NEXN: variants seen among roughly 807,000 people sequenced by gnomAD.
The protein encoded by NEXN is nexilin F-actin binding protein.
In NEXN, 65 loss-of-function variants were observed where a neutral mutation model predicts 92.6. The ratio of observed to expected loss-of-function variants is 0.70; its 90% CI spans 0.57 to 0.86. The LOEUF is 0.86. Ranked by LOEUF, NEXN falls within the 40% of genes least tolerant of loss-of-function variation. NEXN has a pLI of 0.00. For synonymous variants in NEXN, 254 were observed against 242.5 expected, an observed-to-expected ratio of 1.05 and a Z score of -0.44; for missense variants, 778 against 771.1, an observed-to-expected ratio of 1.01 and a Z score of -0.11.
intron 9 of NEXN, chr1:77,933,080 G>C (rs1650439922): frequency 4.8e-6 from 2 of 418,372 alleles, no homozygotes; most frequent in East Asian, 8.8e-5. Context: ...AGAATCGCTT[G>C]AATCTGGGAG....
intron 2 of NEXN, 25 bp from the exon 3 acceptor site, chr1:77,917,540 CT>C (rs761631804): frequency 1.2e-5 from 19 of 1,560,226 alleles, no homozygotes; most frequent in South Asian, 5.6e-5. Context: ...CGTTAACTTT[CT>C]TTTTTTTATT....
rs1208062139 is a variant in NEXN, at chr1:77,917,642, T to C, written c.104T>C (p.Phe35Ser). ...KLGKGDVKDKFEAMQRAREER... is the reference protein window; with the variant it reads ...KLGKGDVKDKSEAMQRAREER... ...GGCAAGGGTGATGTAAAGGATAAGT[T>C]TGAAGCCATGCAGAGAGCCAGGGAA... The change falls in exon 3 of 13, where the codon TTT becomes TCT. Residue 35 changes from phenylalanine to serine, a missense_variant. Around this residue, in one of 3 missense-constraint regions of NEXN, gnomAD observed 236 missense variants for 265.6 expected, o/e 0.89. Transcript: ENST00000334785. 8.1e-6 allele frequency: 13 copies of C among 1,613,390 alleles called. No homozygotes were observed. The East Asian group carries it at 1.3e-4, about 17-fold the overall frequency.
chr1:77,904,980 T>C (rs1012184312), intron 1 of NEXN, among the ~76,000 whole-genome samples: 1 of 152,142 alleles, frequency 6.6e-6, no homozygotes, highest in Non-Finnish European at 1.5e-5. Flanking sequence ...TAAATACTTA[T>C]GGGCCAGGCA....
chr1:77,896,321 G>A (rs989670122), intron 1 of NEXN, among the ~76,000 whole-genome samples: 1 of 151,938 alleles, frequency 6.6e-6, no homozygotes, highest in Non-Finnish European at 1.5e-5. Flanking sequence ...AGAAACCTTG[G>A]GTTCATCCTT....
intron 2 of NEXN, among the ~76,000 whole-genome samples, chr1:77,917,245 C>T (rs1649050532): frequency 6.6e-6 from 1 of 152,102 alleles, no homozygotes; most frequent in African/African-American, 2.4e-5. Context: ...CAATAAAAGA[C>T]AGTTGTTTTT....
chr1:77,930,848 C>A (rs1421344747), intron 9 of NEXN, among the ~76,000 whole-genome samples: 1 of 152,172 alleles, frequency 6.6e-6, no homozygotes, highest in Non-Finnish European at 1.5e-5. Flanking sequence ...TAGTACTCTT[C>A]TATCATAGCG....
At chr1:77,910,475 G>T (rs1413482347) in intron 1 of NEXN, among the ~76,000 whole-genome samples, 1 of 152,156 alleles carries the variant, frequency 6.6e-6, no homozygotes, top group Non-Finnish European at 1.5e-5. Context: ...TTATTAGGCT[G>T]GGCTCGGTGG....
At chr1:77,925,573 C>T (rs553560396) in intron 6 of NEXN, among the ~76,000 whole-genome samples, 2 of 152,198 alleles carry the variant, frequency 1.3e-5, no homozygotes, top group Non-Finnish European at 2.9e-5. Flanking sequence ...ATTTTATTTT[C>T]ATCATTTGTC....
intron 9 of NEXN, among the ~76,000 whole-genome samples, chr1:77,931,450 AGAAGAGAAGTAACTGT>A (rs957343974): frequency 3.3e-5 from 5 of 149,816 alleles, no homozygotes; most frequent in African/African-American, 1.2e-4. Context: ...AAGAAGCGGT[AGAAGAGAAGTAACTGT>A]GAAGATTACT....
intron 12 of NEXN, 60 bp downstream of exon 12, chr1:77,942,268 T>C: frequency 6.5e-7 from 1 of 1,536,904 alleles, no homozygotes; most frequent in African/African-American, 1.4e-5. Flanking sequence ...CATAGTTTTA[T>C]AATTAGGTAG....
Position 77,942,163 on chromosome 1 carries a change from A to G in NEXN, c.1614A>G (p.Leu538=), listed in dbSNP as rs1223011249. Residue 538 remains leucine (L), a synonymous_variant, in exon 12 of 13, where the codon CTA becomes CTG. Coordinates refer to ENST00000334785, the MANE Select transcript of NEXN (RefSeq NM_144573.4). Reference sequence around the variant, plus strand: ...GAAGAATTGAAGAACAAAAGTTACTACGCATGCAGTTTGAACAAAGGGAAA... The same window carrying G: ...GAAGAATTGAAGAACAAAAGTTACTGCGCATGCAGTTTGAACAAAGGGAAA... The part of the protein sequence containing the change: ...EQRRIEEQKL[L]RMQFEQREID... 1 of 1,613,842 alleles carries G rather than the reference A, an allele frequency of 6.2e-7. No individual in the cohort carries two copies. Among genetic ancestry groups the G allele is most frequent in the Non-Finnish European group, 8.5e-7 (1 of 1,179,752 alleles).
chr1:77,929,344 C>T lies in NEXN; in HGVS notation c.893C>T (p.Thr298Ile). ...MVNEDEENQD[T>I]AKIFKGYRPG... is the part of the protein sequence containing the mutation. Reference sequence around the variant, plus strand: ...AATGAAGATGAGGAAAACCAAGACACAGCAAAAATTTTTAAAGGGTACCGC... The same window carrying T: ...AATGAAGATGAGGAAAACCAAGACATAGCAAAAATTTTTAAAGGGTACCGC... The change falls in exon 9 of 13, where the codon ACA (threonine) becomes ATA (isoleucine). Residue 298 changes from threonine (T) to isoleucine (I), a missense_variant. Physicochemically the swap from Thr to Ile is moderately conservative, Grantham distance 89. This residue lies in a region of NEXN where 532 missense variants were observed against 476.7 expected (regional missense o/e 1.12). Coordinates refer to ENST00000334785, the MANE Select transcript of NEXN (RefSeq NM_144573.4). 2 of 1,613,346 alleles carry T rather than the reference C, an allele frequency of 1.2e-6. No individual in the cohort carries two copies. The highest frequency in any genetic ancestry group is 1.1e-5 in the South Asian group (1 of 90,976).
chr1:77,919,545 C>T (rs893317148), intron 5 of NEXN, among the ~76,000 whole-genome samples: 1 of 151,274 alleles, frequency 6.6e-6, no homozygotes, highest in Non-Finnish European at 1.5e-5. Flanking sequence ...AAAGGGGTTA[C>T]ATGGCCCATG....
In NEXN at chr1:77,918,277, TC is replaced by T. The variant is rs1232961522; in HGVS notation, c.447+5del. 1 of 1,613,874 alleles carries T rather than the reference TC, an allele frequency of 6.2e-7. No homozygotes were observed. ...ATTAGCAAAAAGGGCTGAACAGGTA[TC>T]ACTGAAGATTAAGTTCGTATTTGTT... On this transcript the variant is annotated splice_donor_5th_base_variant and intron_variant, in intron 5 of 12. Coordinates refer to ENST00000334785, the MANE Select transcript of NEXN (RefSeq NM_144573.4).
intron 6 of NEXN, among the ~76,000 whole-genome samples, chr1:77,926,163 A>G (rs971111102): frequency 6.6e-6 from 1 of 152,202 alleles, no homozygotes; most frequent in African/African-American, 2.4e-5. Context: ...TTATCCAAAC[A>G]GCTGTATTAA....
At chr1:77,937,301 C>T (rs1176388169) in intron 11 of NEXN, among the ~76,000 whole-genome samples, 2 of 152,010 alleles carry the variant, frequency 1.3e-5, no homozygotes, top group East Asian at 3.9e-4. Context: ...AAGACCCTGT[C>T]TCTAACACAA....
At position 77,936,616 on chromosome 1, in the gene NEXN, T is replaced by A. The variant is rs1234014296; in HGVS notation, c.1473+572T>A. On this transcript the variant is annotated intron_variant, in intron 11 of 12. Transcript: ENST00000334785. ...AGCCTAAATGAGAATTCTGATGACA[T>A]GAATTTGAATTATCTTCAAACATAA... Among the ~76,000 whole-genome samples, 3 of 152,188 alleles carry A rather than the reference T, an allele frequency of 2.0e-5. No homozygotes were observed. The East Asian group carries it at 5.8e-4, about 29-fold the overall frequency.
At chr1:77,903,292 T>C (rs541368769) in intron 1 of NEXN, among the ~76,000 whole-genome samples, 1 of 148,786 alleles carries the variant, frequency 6.7e-6, no homozygotes, top group South Asian at 2.1e-4. Flanking sequence ...TTAAAACCTA[T>C]TTTTTTTACC....
Position 77,935,986 on chromosome 1 carries a change from C to T in NEXN, c.1415C>T (p.Ala472Val). The T allele has an allele frequency of 6.2e-7, 1 of 1,613,788 alleles. No individual in the cohort carries two copies. Among genetic ancestry groups the T allele is most frequent in the Non-Finnish European group, 8.5e-7 (1 of 1,179,954 alleles). ...CAGAAAAAAATAGAAGAAGAGCGAG[C>T]AAGAAGGAGAGCAATTGACCTTGAA... ...EIQKKIEEER[A>V]RRRAIDLEIK... The change falls in exon 11 of 13, where the codon GCA becomes GTA. Residue 472 changes from alanine (A) to valine (V), a missense_variant. Physicochemically the swap from Ala to Val is moderately conservative, Grantham distance 64. Transcript: ENST00000334785.
Sources: gnomAD v4.1 joint callset for allele counts (sites outside exome capture counted in the v4.1 genomes callset) on GRCh38, gnomAD v4.1.1 for gene constraint, gnomAD v4.1.1 regional missense constraint, MANE v1.5 for transcripts, NCBI Gene and HGNC (gene_info 2026-07-23, HGNC 2026-07-21) for gene names.